The following TIE1 variants were observed in gnomAD, a reference collection of about 807,000 sequenced individuals.
TIE1 encodes the protein tyrosine kinase with immunoglobulin like and EGF like domains 1, also known as tyrosine-protein kinase receptor Tie-1.
Under a neutral mutation model 130.5 loss-of-function variants are expected in TIE1, and 89 were observed. That is an observed-to-expected ratio of 0.68 (90% CI 0.57 to 0.81). TIE1 has a LOEUF of 0.81. TIE1 is among the 40% of genes least tolerant of loss of function. The pLI is 0.00. For synonymous variants in TIE1, 568 were observed against 629.4 expected (o/e 0.90, Z 1.46); for missense variants, 1,392 against 1,559.8 (o/e 0.89, Z 1.81).
chr1:43,308,892 C>G (rs769357920), intron 7 of TIE1, 94 bp from the exon 8 acceptor site: 8 of 1,560,122 alleles, frequency 5.1e-6, no homozygotes, highest in South Asian at 1.1e-5. Context: ...TGGGTAGATA[C>G]CTCCACTGAG....
At position 43,317,151 on chromosome 1, in the gene TIE1, C is replaced by G; in HGVS notation, c.2410-48C>G. 6.2e-7 allele frequency: 1 copy of G among 1,600,416 alleles called. No individual in the cohort carries two copies. On this transcript the variant is annotated intron_variant, in intron 14 of 22. Transcript: ENST00000372476. The surrounding 1 kb of genome is among the most constrained non-coding windows in gnomAD (Gnocchi z 5.1). ...GCCTGTCTGTGCCTCCTTCCGCCCC[C>G]TTTGACTCTTGCGTGGACCGTCTGC...
chr1:43,311,733 TC>T lies in TIE1; in HGVS notation c.1400del (p.Pro467ArgfsTer38). Reference protein sequence around the residue: ...LTKQSRQLVVSPLVSFSGDGP... With the variant: ...LTKQSRQLVVXPLVSFSGDGP... The stretch of plus-strand genomic sequence containing the variant: ...CAAGCAGAGCCGCCAGCTTGTGGTC[TC>T]CCCGCTGGTCTCGTTCTCTGGGGAT... On this transcript the variant is annotated frameshift_variant, in exon 10 of 23. Transcript: ENST00000372476. LOFTEE classifies it high-confidence loss of function. 1 of 1,614,050 alleles carries T rather than the reference TC, an allele frequency of 6.2e-7. No individual in the cohort carries two copies. Among genetic ancestry groups the T allele is most frequent in the South Asian group, 1.1e-5 (1 of 91,074 alleles).
At position 43,304,941 on chromosome 1, in the gene TIE1, C is replaced by G. The variant is rs1050266558; in HGVS notation, c.149C>G (p.Ala50Gly). 2 of 1,446,804 alleles carry G rather than the reference C, an allele frequency of 1.4e-6. No individual in the cohort carries two copies. Among genetic ancestry groups the G allele is most frequent in the Non-Finnish European group, 1.8e-6 (2 of 1,104,218 alleles). 89.6% of individuals were successfully genotyped at this position (1,446,804 alleles called of 1,614,324 possible). The change falls in exon 2 of 23, where the codon GCG (alanine) becomes GGG (glycine). Residue 50 changes from alanine to glycine, a missense_variant. Coordinates refer to ENST00000372476, the MANE Select transcript of TIE1 (RefSeq NM_005424.5). ...FLTCVSGEAGAGRGSDAWGPP... is the reference protein window; with the variant it reads ...FLTCVSGEAGGGRGSDAWGPP... ...ACTTGCGTGTCTGGGGAGGCCGGGG[C>G]GGGGAGGGGCTCGGACGCCTGGGGC...
Position 43,307,004 on chromosome 1 carries a change from C to T in TIE1, c.640+9C>T. The stretch of plus-strand genomic sequence containing the variant: ...TCGGCTCATCGTGCGGGGTCAGAGG[C>T]AGAGGGCAGAGGTTGTGGGTAGGGT... On this transcript the variant is annotated intron_variant, in intron 4 of 22. Coordinates refer to ENST00000372476, the MANE Select transcript of TIE1 (RefSeq NM_005424.5). This position sits in a 1 kb window ranked among gnomAD's most constrained non-coding sequence, Gnocchi z 5.4. 1 of 1,613,704 alleles carries T rather than the reference C, an allele frequency of 6.2e-7. No homozygotes were observed. Among genetic ancestry groups the T allele is most frequent in the Non-Finnish European group, 8.5e-7 (1 of 1,179,980 alleles).
At chr1:43,321,032 CAAAAAAA>C (rs752698629) in intron 19 of TIE1, among the ~76,000 whole-genome samples, 1 of 97,372 alleles carries the variant, frequency 1.0e-5, no homozygotes, top group African/African-American at 4.7e-5. Context: ...GACCCTGTCT[CAAAAAAA>C]AAAAAAAAAA....
rs1646709445 is a variant in TIE1, at chr1:43,304,948, G to A, written c.156G>A (p.Arg52=). The part of the protein sequence containing the change: ...TCVSGEAGAG[R]GSDAWGPPLL... ...TGTCTGGGGAGGCCGGGGCGGGGAG[G>A]GGCTCGGACGCCTGGGGCCCGCCCC... Residue 52 remains arginine, a synonymous_variant, in exon 2 of 23, where the codon AGG becomes AGA. Coordinates refer to ENST00000372476, the MANE Select transcript of TIE1 (RefSeq NM_005424.5). 2 of 1,449,502 alleles carry A rather than the reference G, an allele frequency of 1.4e-6. No individual in the cohort carries two copies. Among genetic ancestry groups the A allele is most frequent in the South Asian group, 1.5e-5 (1 of 68,846 alleles). 89.8% of individuals were successfully genotyped at this position (1,449,502 alleles called of 1,614,324 possible).
chr1:43,320,155 G>A (rs1327013921), intron 19 of TIE1: 1 of 157,356 alleles, frequency 6.4e-6, no homozygotes, highest in African/African-American at 2.4e-5. Flanking sequence ...CTCTCCCCTG[G>A]TCTCAGGGCT....
Position 43,317,164 on chromosome 1 carries a change from G to A in TIE1, c.2410-35G>A, listed in dbSNP as rs140595820. The A allele has an allele frequency of 8.0e-4, 1,286 of 1,609,554 alleles. 15 individuals carry two copies. The African/African-American group carries it at 0.015, about 18-fold the overall frequency. ...TCCTTCCGCCCCCTTTGACTCTTGC[G>A]TGGACCGTCTGCCCTCTTGTCTCAT... On this transcript the variant is annotated intron_variant, in intron 14 of 22. Coordinates refer to ENST00000372476, the MANE Select transcript of TIE1 (RefSeq NM_005424.5). The surrounding 1 kb of genome is among the most constrained non-coding windows in gnomAD (Gnocchi z 5.1).
Position 43,313,012 on chromosome 1 carries a change from G to A in TIE1, c.1928-123G>A, listed in dbSNP as rs909633439. The A allele has an allele frequency of 4.3e-6, 5 of 1,151,424 alleles. No homozygotes were observed. In the African/African-American group the frequency reaches 4.6e-5, roughly 11 times the overall value. The allele number at this position is 1,151,424 out of a possible 1,614,324, so 71.3% of individuals were successfully genotyped here. On this transcript the variant is annotated intron_variant, in intron 12 of 22. Coordinates refer to ENST00000372476, the MANE Select transcript of TIE1 (RefSeq NM_005424.5). The surrounding 1 kb of genome is among the most constrained non-coding windows in gnomAD (Gnocchi z 6.2). ...TCAGTCTGGTGGGGAGGAGGAAGTT[G>A]GCAGGGTGGCCCCTGTGCTTGGACC...
At chr1:43,303,802 C>T (rs1237263174) in intron 1 of TIE1, among the ~76,000 whole-genome samples, 1 of 152,178 alleles carries the variant, frequency 6.6e-6, no homozygotes, top group Non-Finnish European at 1.5e-5. Flanking sequence ...ATTTCTCTCC[C>T]TCCCCATTGT....
Position 43,318,044 on chromosome 1 carries a change from A to G in TIE1, c.2894A>G (p.Asn965Ser), listed in dbSNP as rs1369710096. 3.2e-6 allele frequency: 5 copies of G among 1,574,608 alleles called. No homozygotes were observed. The highest frequency in any genetic ancestry group is 4.3e-6 in the Non-Finnish European group (5 of 1,160,076). Residue 965 changes from asparagine (N) to serine (S), a missense_variant, in exon 17 of 23, where the codon AAT (asparagine) becomes AGT (serine). Asn to Ser is a conservative substitution (Grantham distance 46). Transcript: ENST00000372476. This position sits in a 1 kb window ranked among gnomAD's most constrained non-coding sequence, Gnocchi z 4.4. ...CTGCGTTTCGCCAGTGATGCGGCCA[A>G]TGGCATGCAGTACCTGAGTGAGAAG... ...QLLRFASDAANGMQYLSEKQF... is the reference protein window; with the variant it reads ...QLLRFASDAASGMQYLSEKQF...
rs199715734 is a variant in TIE1 at position 43,309,048 on chromosome 1, C to T, written c.1105C>T (p.Arg369Trp). 203 of 1,613,900 alleles carry T rather than the reference C, an allele frequency of 1.3e-4. No individual in the cohort carries two copies. Among genetic ancestry groups the T allele is most frequent in the Non-Finnish European group, 1.6e-4 (186 of 1,179,968 alleles). ...ELEFNLETMP[R>W]INCAAAGNPF... ...GGAGTTCAACTTAGAGACGATGCCC[C>T]GGATCAACTGTGCAGCTGCAGGGAA... The change falls in exon 8 of 23, where the codon CGG becomes TGG. Residue 369 changes from arginine to tryptophan, a missense_variant. Transcript: ENST00000372476. This position sits in a 1 kb window ranked among gnomAD's most constrained non-coding sequence, Gnocchi z 6.3.
rs137932758 is a variant in TIE1, at chr1:43,312,882, C to A, written c.1928-253C>A. On this transcript the variant is annotated intron_variant, in intron 12 of 22. Coordinates refer to ENST00000372476, the MANE Select transcript of TIE1 (RefSeq NM_005424.5). This position sits in a 1 kb window ranked among gnomAD's most constrained non-coding sequence, Gnocchi z 5.6. ...GGGTCATGGGAGGGCATGAGACTTG[C>A]GGAACACAGGGCATGGGCGGATGTG... Among the ~76,000 whole-genome samples the A allele has an allele frequency of 6.6e-6, 1 of 151,854 alleles. No individual in the cohort carries two copies. Among genetic ancestry groups the A allele is most frequent in the Admixed American group, 6.6e-5 (1 of 15,254 alleles).
intron 9 of TIE1, among the ~76,000 whole-genome samples, chr1:43,310,538 C>A (rs1292432611): frequency 2.6e-5 from 4 of 152,142 alleles, no homozygotes; most frequent in African/African-American, 9.7e-5. Flanking sequence ...AAAATGTCAC[C>A]TAGTCCCTAG....
chr1:43,306,895 G>T lies in TIE1; in HGVS notation c.540G>T (p.Leu180=), dbSNP rs777763699. 6.2e-7 allele frequency: 1 copy of T among 1,614,038 alleles called. No homozygotes were observed. The highest frequency in any genetic ancestry group is 1.1e-5 in the South Asian group (1 of 91,082). Residue 180 remains leucine, a synonymous_variant, in exon 4 of 23, where the codon CTG becomes CTT. Coordinates refer to ENST00000372476, the MANE Select transcript of TIE1 (RefSeq NM_005424.5). The surrounding 1 kb of genome is among the most constrained non-coding windows in gnomAD (Gnocchi z 4.9). ...WHEAQDGRFL[L]QLPNVQPPSS... ...AAGCCCAGGATGGGCGGTTCCTGCT[G>T]CAGCTCCCAAATGTGCAGCCACCAT...
In TIE1 at chr1:43,319,423, C is replaced by T. The variant is rs377712512; in HGVS notation, c.3037-36C>T. 6.2e-7 allele frequency: 1 copy of T among 1,613,374 alleles called. No individual in the cohort carries two copies. The highest frequency in any genetic ancestry group is 8.5e-7 in the Non-Finnish European group (1 of 1,179,450). On this transcript the variant is annotated intron_variant, in intron 18 of 22. Transcript: ENST00000372476. The surrounding 1 kb of genome is among the most constrained non-coding windows in gnomAD (Gnocchi z 4.7). Reference sequence around the variant, plus strand: ...CACAGGAGCCTCAAACAGGCCCTTCCTCCACACTCAGCCCCTCAAACCCAT... The same window carrying T: ...CACAGGAGCCTCAAACAGGCCCTTCTTCCACACTCAGCCCCTCAAACCCAT...
chr1:43,303,236 A>G (rs964760053), intron 1 of TIE1, among the ~76,000 whole-genome samples: 1 of 152,142 alleles, frequency 6.6e-6, no homozygotes, highest in East Asian at 1.9e-4. Flanking sequence ...GGAGAGGAGC[A>G]GATTTGGGAA....
Position 43,322,755 on chromosome 1 carries a change from C to T in TIE1, c.*33C>T, listed in dbSNP as rs755110703. On this transcript the variant is annotated 3_prime_UTR_variant, in exon 23 of 23. Coordinates refer to ENST00000372476, the MANE Select transcript of TIE1 (RefSeq NM_005424.5). The surrounding 1 kb of genome is among the most constrained non-coding windows in gnomAD (Gnocchi z 4.0). Reference sequence around the variant, plus strand: ...TCCAGCCAGAACGTGGCTCTGCTGGCCGGAGCAAACTCTGCTGTCTAACCT... The same window carrying T: ...TCCAGCCAGAACGTGGCTCTGCTGGTCGGAGCAAACTCTGCTGTCTAACCT... 1 of 1,602,212 alleles carries T rather than the reference C, an allele frequency of 6.2e-7. No homozygotes were observed. The highest frequency in any genetic ancestry group is 8.5e-7 in the Non-Finnish European group (1 of 1,171,658).
chr1:43,317,784 T>C lies in TIE1; in HGVS notation c.2732-98T>C. On this transcript the variant is annotated intron_variant, in intron 16 of 22. Coordinates refer to ENST00000372476, the MANE Select transcript of TIE1 (RefSeq NM_005424.5). The surrounding 1 kb of genome is among the most constrained non-coding windows in gnomAD (Gnocchi z 5.1). ...GCTGCTGGTGACCTGTGCACCACCC[T>C]TGATCCTCCTTCATCCCTGTCTGTT... is the stretch of plus-strand genomic sequence containing the variant. 6.7e-7 allele frequency: 1 copy of C among 1,501,554 alleles called. No homozygotes were observed. The allele number at this position is 1,501,554 out of a possible 1,614,324, so 93.0% of individuals were successfully genotyped here.
Sources: allele counts gnomAD v4.1 joint callset (sites outside exome capture counted in the v4.1 genomes callset), GRCh38; gene constraint gnomAD v4.1.1; non-coding constraint Gnocchi (gnomAD v3.1); transcripts MANE v1.5; gene names NCBI Gene and HGNC (gene_info 2026-07-23, HGNC 2026-07-21).